CCDC18: variants seen among roughly 807,000 people sequenced by gnomAD.
The protein encoded by CCDC18 is coiled-coil domain containing 18.
Under a neutral mutation model 196.0 loss-of-function variants are expected in CCDC18, and 157 were observed. The observed-to-expected ratio is 0.80, with a 90% CI of 0.70 to 0.91. CCDC18 has a LOEUF of 0.91. Ranked by LOEUF, CCDC18 falls within the 40% of genes least tolerant of loss-of-function variation. The pLI is 0.00. For synonymous variants in CCDC18, 482 were observed against 529.2 expected (o/e 0.91, Z 1.22); for missense variants, 1,465 against 1,611.6 (o/e 0.91, Z 1.56).
chr1:93,256,427 G>A lies in CCDC18; in HGVS notation c.3435G>A (p.Gln1145=). Residue 1145 remains glutamine, a synonymous_variant, in exon 25 of 29, where the codon CAG becomes CAA. Coordinates refer to ENST00000690025, the MANE Select transcript of CCDC18 (RefSeq NM_001378204.1). ...QELRLTREQV[Q]NSHTELAEAR... ...TGAGGCTGACCCGGGAGCAGGTGCA[G>A]AACTCTCATACAGAATTGGCAGAGG... 6.2e-7 allele frequency: 1 copy of A among 1,614,066 alleles called. No homozygotes were observed. The highest frequency in any genetic ancestry group is 8.5e-7 in the Non-Finnish European group (1 of 1,179,986).
rs1163249278 is a variant in CCDC18 at position 93,278,554 on chromosome 1, C to G, written c.*77C>G. The G allele has an allele frequency of 1.5e-6, 1 of 670,910 alleles. No individual in the cohort carries two copies. The highest frequency in any genetic ancestry group is 2.3e-6 in the Non-Finnish European group (1 of 434,434). The allele number at this position is 670,910 out of a possible 1,614,324, so 41.6% of individuals were successfully genotyped here. On this transcript the variant is annotated 3_prime_UTR_variant, in exon 29 of 29. Coordinates refer to ENST00000690025, the MANE Select transcript of CCDC18 (RefSeq NM_001378204.1). ...GTTTACTTATTATATGTAGCTCATA[C>G]TTCATAGAAGCTGTTATTTTGCTTT... is the stretch of plus-strand genomic sequence containing the variant.
At chr1:93,186,837 A>T (rs752642158) in intron 4 of CCDC18, among the ~76,000 whole-genome samples, 2 of 152,016 alleles carry the variant, frequency 1.3e-5, no homozygotes, top group Non-Finnish European at 2.9e-5. Flanking sequence ...TGAAAATTTT[A>T]AAAGTAGCAA....
At chr1:93,184,558 CATTATCT>C (rs1650298264) in intron 3 of CCDC18, among the ~76,000 whole-genome samples, 1 of 151,850 alleles carries the variant, frequency 6.6e-6, no homozygotes, top group Admixed American at 6.6e-5. Flanking sequence ...GTTCTCTTTT[CATTATCT>C]ATTTTGTCAA....
intron 17 of CCDC18, among the ~76,000 whole-genome samples, chr1:93,230,534 C>G (rs1659087270): frequency 6.6e-6 from 1 of 151,536 alleles, no homozygotes; most frequent in African/African-American, 2.4e-5. Context: ...AGTTAAAGGT[C>G]AGTACAATGA....
chr1:93,274,706 G>A (rs1418917279), intron 28 of CCDC18, among the ~76,000 whole-genome samples: 1 of 152,034 alleles, frequency 6.6e-6, no homozygotes, highest in East Asian at 1.9e-4. Flanking sequence ...AAAACTAGCT[G>A]GGCATGGTGG....
intron 5 of CCDC18, among the ~76,000 whole-genome samples, 194 bp downstream of exon 5, chr1:93,192,300 G>A (rs777873894): frequency 1.2e-4 from 19 of 152,128 alleles, no homozygotes; most frequent in Non-Finnish European, 2.2e-4. Flanking sequence ...GTATATAGGG[G>A]CTAAAAAGAC....
At chr1:93,234,626 C>T (rs544669194) in intron 18 of CCDC18, among the ~76,000 whole-genome samples, 282 of 152,008 alleles carry the variant, frequency 1.9e-3, no homozygotes, top group African/African-American at 6.7e-3. Flanking sequence ...ATTCATATTA[C>T]ACTGTGCATA....
chr1:93,205,411 A>G, intron 7 of CCDC18, 99 bp from the exon 8 acceptor site: 1 of 1,013,710 alleles, frequency 9.9e-7, no homozygotes, highest in South Asian at 1.7e-5. Context: ...TTCTTAGTCT[A>G]CTCTCCTGCT....
rs1403055098 is a variant in CCDC18, at chr1:93,270,424, A to G, written c.3963A>G (p.Pro1321=). 1 of 1,550,414 alleles carries G rather than the reference A, an allele frequency of 6.4e-7. No homozygotes were observed. Among genetic ancestry groups the G allele is most frequent in the Non-Finnish European group, 8.7e-7 (1 of 1,146,864 alleles). Residue 1321 remains proline (P), a synonymous_variant, in exon 28 of 29, where the codon CCA becomes CCG. Transcript: ENST00000690025. ...AAGACATCAAGTTTCTGCCAGCCCC[A>G]TTTACATCTCCAACAGAAATTATGC... ...KAEDIKFLPA[P]FTSPTEIMPD...
intron 28 of CCDC18, among the ~76,000 whole-genome samples, chr1:93,273,788 AG>A (rs1665484695): frequency 6.6e-6 from 1 of 152,230 alleles, no homozygotes; most frequent in African/African-American, 2.4e-5. Context: ...TAATTTATGC[AG>A]GATAAATTTG....
intron 10 of CCDC18, 135 bp downstream of exon 10, chr1:93,211,061 G>A (rs1655540946): frequency 1.2e-6 from 1 of 828,828 alleles, no homozygotes; most frequent in Non-Finnish European, 1.9e-6. Context: ...CGGATCACGA[G>A]GTCAGGAGTT....
chr1:93,236,263 C>T lies in CCDC18; in HGVS notation c.2476C>T (p.Gln826Ter), dbSNP rs745352316. The T allele has an allele frequency of 1.3e-6, 2 of 1,572,602 alleles. No individual in the cohort carries two copies. Among genetic ancestry groups the T allele is most frequent in the Admixed American group, 2.1e-5 (1 of 47,338 alleles). ...GCTTTACAAGGTGTCAAAACTGGAA[C>T]AAGAACTTCAAAAACAAAGGGAAAG... ...KLEKQVSKLE[Q>*]ELQKQRESSA... is the part of the protein sequence containing the mutation. The change falls in exon 19 of 29, where the codon CAA becomes TAA. Residue 826 changes from glutamine (Q) to a stop codon, truncating the protein, a stop_gained. Coordinates refer to ENST00000690025, the MANE Select transcript of CCDC18 (RefSeq NM_001378204.1). LOFTEE classifies it high-confidence loss of function.
At chr1:93,193,200 A>G (rs930077987) in intron 5 of CCDC18, among the ~76,000 whole-genome samples, 96 of 152,194 alleles carry the variant, frequency 6.3e-4, no homozygotes, top group African/African-American at 2.2e-3. Flanking sequence ...AGTAGGAAAA[A>G]GAAAGAAAGA....
chr1:93,266,463 T>C (rs954198026), intron 27 of CCDC18, among the ~76,000 whole-genome samples: 5 of 151,852 alleles, frequency 3.3e-5, no homozygotes, highest in Non-Finnish European at 7.4e-5. Context: ...CTGAAGGAGA[T>C]AGAGACACAA....
At position 93,201,616 on chromosome 1, in the gene CCDC18, G is replaced by GA. The variant is rs201439689; in HGVS notation, c.699-266dup. On this transcript the variant is annotated intron_variant, in intron 6 of 28. Transcript: ENST00000690025. Reference sequence around the variant, plus strand: ...CCCTAATCTGTCTTTTCCAGATAGGGAAAAAAAAAATTGCCAACACATAAG... The same window carrying GA: ...CCCTAATCTGTCTTTTCCAGATAGGGAAAAAAAAAAATTGCCAACACATAAG... Among the ~76,000 whole-genome samples, 43 of 149,044 alleles carry GA rather than the reference G, an allele frequency of 2.9e-4. No individual in the cohort carries two copies. The East Asian group carries it at 4.5e-3, about 16-fold the overall frequency.
At chr1:93,181,674 G>A (rs1023056194) in intron 1 of CCDC18, among the ~76,000 whole-genome samples, 2 of 151,870 alleles carry the variant, frequency 1.3e-5, no homozygotes, top group African/African-American at 4.8e-5. Context: ...GGAGTGCAGT[G>A]GCGCGATCTC....
At chr1:93,189,601 A>G (rs1651360780) in intron 4 of CCDC18, among the ~76,000 whole-genome samples, 1 of 152,102 alleles carries the variant, frequency 6.6e-6, no homozygotes, top group South Asian at 2.1e-4. Flanking sequence ...GCGTATGAAG[A>G]TTCCCTTTTT....
At chr1:93,262,963 A>G (rs1664017730) in intron 26 of CCDC18, among the ~76,000 whole-genome samples, 1 of 151,990 alleles carries the variant, frequency 6.6e-6, no homozygotes. Flanking sequence ...CAGACTTAAC[A>G]CCACATGGAA....
In CCDC18 at chr1:93,253,973, T is replaced by TTTTTA. The variant is rs889722561; in HGVS notation, c.3199-482_3199-478dup. On this transcript the variant is annotated intron_variant, in intron 23 of 28. Transcript: ENST00000690025. Reference sequence around the variant, plus strand: ...GACTATAGAAAGGTGCAGGATTCTTTTTTTATTTTATTTTATTTTAAATTA... The same window carrying TTTTTA: ...GACTATAGAAAGGTGCAGGATTCTTTTTTTATTTTATTTTATTTTATTTTAAATTA... 2.6e-5 allele frequency among the ~76,000 whole-genome samples: 4 copies of TTTTTA among 152,296 alleles called. No individual in the cohort carries two copies. The East Asian group carries it at 5.8e-4, about 22-fold the overall frequency.
Sources: gnomAD v4.1 joint callset for allele counts (sites outside exome capture counted in the v4.1 genomes callset) on GRCh38, gnomAD v4.1.1 for gene constraint, MANE v1.5 for transcripts, NCBI Gene and HGNC (gene_info 2026-07-23, HGNC 2026-07-21) for gene names.